WWOX: variants seen among roughly 807,000 people sequenced by gnomAD.
The protein encoded by WWOX is WW domain containing oxidoreductase.
A neutral mutation model predicts 46.2 loss-of-function variants in WWOX; 69 were observed. That is an observed-to-expected ratio of 1.49 (90% CI 1.23 to 1.82). WWOX has a LOEUF of 1.82. WWOX is among the 40% of genes most tolerant of loss of function. The pLI, the probability that WWOX is intolerant of heterozygous loss-of-function variation, is 0.00. For synonymous variants in WWOX, 359 were observed against 202.6 expected (o/e 1.77, Z -6.56); for missense variants, 919 against 542.6 (o/e 1.69, Z -6.89).
chr16:78,401,660 T>A (rs1258249255), intron 6 of WWOX, among the ~76,000 whole-genome samples: 3 of 148,622 alleles, frequency 2.0e-5, no homozygotes, highest in African/African-American at 7.4e-5. Context: ...AGCCCAGGGA[T>A]TTTTTTTTTA....
intron 8 of WWOX, among the ~76,000 whole-genome samples, chr16:79,150,147 C>G (rs547260170): frequency 6.6e-6 from 1 of 152,306 alleles, no homozygotes; most frequent in South Asian, 2.1e-4. Context: ...TCTGCTCAGT[C>G]TACCTTTAGC....
At chr16:78,218,711 T>G (rs745693192) in intron 5 of WWOX, among the ~76,000 whole-genome samples, 2 of 152,172 alleles carry the variant, frequency 1.3e-5, no homozygotes, top group Non-Finnish European at 2.9e-5. Flanking sequence ...AGCACGACTT[T>G]GGGGCCAGGG....
chr16:78,441,139 C>G (rs2083436324), intron 8 of WWOX, among the ~76,000 whole-genome samples: 1 of 152,056 alleles, frequency 6.6e-6, no homozygotes, highest in Non-Finnish European at 1.5e-5. Context: ...GACGGGATTT[C>G]AACATGTTGG....
rs75581216 is a variant in WWOX, at chr16:79,006,012, C to T, written c.1057-205596C>T. Among the ~76,000 whole-genome samples the T allele has an allele frequency of 5.5e-3, 843 of 152,240 alleles. 33 individuals are homozygous for T. In the East Asian group the frequency reaches 0.084, roughly 15 times the overall value. ...TTAGTCCCCTCTCTGCAACCATTTG[C>T]GGTCACCTCTTATGTGCTAGGCCTG... On this transcript the variant is annotated intron_variant, in intron 8 of 8. Transcript: ENST00000566780.
At chr16:78,839,716 C>T (rs939808782) in intron 8 of WWOX, among the ~76,000 whole-genome samples, 1 of 152,090 alleles carries the variant, frequency 6.6e-6, no homozygotes, top group Non-Finnish European at 1.5e-5. Flanking sequence ...AAATACATCC[C>T]TGGTGATGTT....
chr16:78,439,190 G>T (rs974780928), intron 8 of WWOX, among the ~76,000 whole-genome samples: 2 of 152,194 alleles, frequency 1.3e-5, no homozygotes, highest in African/African-American at 4.8e-5. Flanking sequence ...GGGGAAATAT[G>T]GTTTTCAAAG....
At chr16:79,206,818 A>G (rs533638043) in intron 8 of WWOX, 4 of 151,560 alleles carry the variant, frequency 2.6e-5, no homozygotes, top group Admixed American at 6.6e-5. Context: ...AGGGAGGCCT[A>G]TGAGCCTCAT....
At chr16:78,904,930 C>T (rs184539894) in intron 8 of WWOX, among the ~76,000 whole-genome samples, 107 of 152,192 alleles carry the variant, frequency 7.0e-4, no homozygotes, top group Middle Eastern at 3.4e-3. Flanking sequence ...CAGTTGGTGC[C>T]CCTGTTGGTT....
At chr16:78,211,289 C>G (rs2036551624) in intron 5 of WWOX, among the ~76,000 whole-genome samples, 1 of 152,182 alleles carries the variant, frequency 6.6e-6, no homozygotes, top group African/African-American at 2.4e-5. Flanking sequence ...GCAGGGGACT[C>G]ACACGTCACA....
intron 8 of WWOX, among the ~76,000 whole-genome samples, chr16:78,970,960 A>C (rs1206339345): frequency 1.3e-5 from 2 of 152,072 alleles, no homozygotes; most frequent in African/African-American, 4.8e-5. Context: ...GATTTTCTCT[A>C]CCTGGTGGGA....
At chr16:78,508,399 T>C (rs1432894672) in intron 8 of WWOX, among the ~76,000 whole-genome samples, 2 of 147,194 alleles carry the variant, frequency 1.4e-5, no homozygotes, top group East Asian at 4.3e-4. Flanking sequence ...AGACAATTCT[T>C]CCTCCACTGT....
At chr16:78,345,989 C>T (rs554503613) in intron 5 of WWOX, among the ~76,000 whole-genome samples, 1 of 121,246 alleles carries the variant, frequency 8.2e-6, no homozygotes, top group East Asian at 1.9e-4. Context: ...TACATCACCT[C>T]AAAAAGATTT....
chr16:79,003,435 C>G (rs927792649), intron 8 of WWOX, among the ~76,000 whole-genome samples: 1 of 152,174 alleles, frequency 6.6e-6, no homozygotes, highest in Non-Finnish European at 1.5e-5. Flanking sequence ...TGCTGAGTAA[C>G]AAGGTGTACC....
At chr16:78,683,288 A>AGGAAGC (rs1373810661) in intron 8 of WWOX, among the ~76,000 whole-genome samples, 3 of 120,032 alleles carry the variant, frequency 2.5e-5, no homozygotes, top group Non-Finnish European at 5.8e-5. Flanking sequence ...AGGTGGGTGG[A>AGGAAGC]TTGCCTGAGC....
chr16:78,676,239 C>G (rs570526285), intron 8 of WWOX, among the ~76,000 whole-genome samples: 3 of 151,806 alleles, frequency 2.0e-5, no homozygotes, highest in Admixed American at 1.3e-4. Flanking sequence ...GCGGGATGCT[C>G]TCTACAGAGT....
intron 8 of WWOX, among the ~76,000 whole-genome samples, chr16:78,703,563 G>C (rs2048270232): frequency 6.6e-6 from 1 of 152,076 alleles, no homozygotes; most frequent in Admixed American, 6.6e-5. Flanking sequence ...AGGCTGTAGT[G>C]AGCCCTGGTC....
At chr16:78,494,770 C>T (rs547987899) in intron 8 of WWOX, among the ~76,000 whole-genome samples, 12 of 152,244 alleles carry the variant, frequency 7.9e-5, no homozygotes, top group Admixed American at 3.3e-4. Context: ...TTAGCTCCTC[C>T]CCCCATCTTT....
At chr16:79,152,817 C>G (rs1423815870) in intron 8 of WWOX, among the ~76,000 whole-genome samples, 2 of 152,160 alleles carry the variant, frequency 1.3e-5, no homozygotes, top group Non-Finnish European at 2.9e-5. Flanking sequence ...GGTGGGCCAG[C>G]ACTGGGGTGG....
intron 5 of WWOX, among the ~76,000 whole-genome samples, chr16:78,225,534 A>T (rs2037022659): frequency 6.6e-6 from 1 of 152,172 alleles, no homozygotes; most frequent in South Asian, 2.1e-4. Flanking sequence ...TCTCCATGGT[A>T]ACATTATATT....
Sources: gnomAD v4.1 joint callset for allele counts (sites outside exome capture counted in the v4.1 genomes callset) on GRCh38, gnomAD v4.1.1 for gene constraint, MANE v1.5 for transcripts, NCBI Gene and HGNC (gene_info 2026-07-23, HGNC 2026-07-21) for gene names.